The following NBEAL1 variants were observed in gnomAD, a reference collection of about 807,000 sequenced individuals.
NBEAL1 encodes the protein neurobeachin like 1.
A neutral mutation model predicts 351.3 loss-of-function variants in NBEAL1; 273 were observed. The ratio of observed to expected loss-of-function variants is 0.78; its 90% CI spans 0.70 to 0.86. The LOEUF is 0.86. NBEAL1 is among the 40% of genes least tolerant of loss of function. The probability of loss-of-function intolerance (pLI) is 0.00; values close to 1 mark genes in which losing one functional copy is unlikely to be tolerated. For synonymous variants in NBEAL1, 1,050 were observed against 1,086.4 expected (o/e 0.97, Z 0.66); for missense variants, 2,961 against 3,201.3 (o/e 0.92, Z 1.81).
chr2:203,054,022 C>G (rs918291378), intron 4 of NBEAL1, among the ~76,000 whole-genome samples: 20 of 152,070 alleles, frequency 1.3e-4, no homozygotes, highest in Non-Finnish European at 2.5e-4. Flanking sequence ...ATGATCATGG[C>G]TCACTACAGC....
chr2:203,183,307 C>G lies in NBEAL1; in HGVS notation c.6624C>G (p.Ser2208=), dbSNP rs2064787808. 1.3e-6 allele frequency: 2 copies of G among 1,589,584 alleles called. No homozygotes were observed. The highest frequency in any genetic ancestry group is 1.4e-5 in the African/African-American group (1 of 74,064). ...TTAACTTGGGTCGTCTACAGATTTC[C>G]AAAGAATTAGTAAATGATGTCATTC... ...NQFNLGRLQI[S]KELVNDVILP... Residue 2208 remains serine (S), a synonymous_variant, in exon 44 of 56, where the codon TCC becomes TCG. Transcript: ENST00000683969.
At chr2:203,130,586 T>A in intron 25 of NBEAL1, 110 bp downstream of exon 25, 1 of 686,950 alleles carries the variant, frequency 1.5e-6, no homozygotes, top group Non-Finnish European at 2.1e-6. Flanking sequence ...TCTATTTCTC[T>A]AAGATGTTCA....
chr2:203,077,352 A>G (rs944213253), intron 7 of NBEAL1, among the ~76,000 whole-genome samples: 1 of 152,152 alleles, frequency 6.6e-6, no homozygotes, highest in Non-Finnish European at 1.5e-5. Context: ...CCTGGGCGAT[A>G]TAGCGAGACT....
chr2:203,119,444 T>TTTTTTTG (rs2062779286), intron 18 of NBEAL1, among the ~76,000 whole-genome samples: 1 of 142,814 alleles, frequency 7.0e-6, no homozygotes. Flanking sequence ...TTTTTTTTTT[T>TTTTTTTG]GAGACGGAGT....
intron 3 of NBEAL1, among the ~76,000 whole-genome samples, chr2:203,046,208 A>ATATT (rs80181126): frequency 0.45 from 67,327 of 148,642 alleles, 16,788 homozygotes; most frequent in Middle Eastern, 0.66. Flanking sequence ...ACAACAGTAG[A>ATATT]TATTTATTTA....
chr2:203,081,072 T>A (rs2061863409), intron 8 of NBEAL1, among the ~76,000 whole-genome samples: 1 of 152,198 alleles, frequency 6.6e-6, no homozygotes, highest in Non-Finnish European at 1.5e-5. Flanking sequence ...CAAAAATCCT[T>A]GTGATCCAGG....
At chr2:203,041,241 T>C (rs1043417022) in intron 2 of NBEAL1, among the ~76,000 whole-genome samples, 1 of 152,162 alleles carries the variant, frequency 6.6e-6, no homozygotes, top group Non-Finnish European at 1.5e-5. Context: ...CCCACAGCAA[T>C]GGACCAAGCC....
chr2:203,180,492 A>C lies in NBEAL1; in HGVS notation c.6575A>C (p.Glu2192Ala), dbSNP rs770098142. ...ATTCCTGAATTCTTCTATTTCCCAG[A>C]GTTTTTGGAAAATCAAAATCGTAAG... is the stretch of plus-strand genomic sequence containing the variant. ...ELIPEFFYFP[E>A]FLENQNQFNL... The change falls in exon 43 of 56, where the codon GAG (glutamate) becomes GCG (alanine). Residue 2192 changes from glutamate to alanine, a missense_variant. Physicochemically the swap from Glu to Ala is moderately radical, Grantham distance 107. Coordinates refer to ENST00000683969, the MANE Select transcript of NBEAL1 (RefSeq NM_001378026.1). 6.2e-7 allele frequency: 1 copy of C among 1,610,510 alleles called. No homozygotes were observed. The highest frequency in any genetic ancestry group is 8.5e-7 in the Non-Finnish European group (1 of 1,178,826).
intron 51 of NBEAL1, among the ~76,000 whole-genome samples, chr2:203,203,282 C>G (rs2065452727): frequency 6.6e-6 from 1 of 151,186 alleles, no homozygotes; most frequent in African/African-American, 2.4e-5. Flanking sequence ...ACTGGGATTA[C>G]AGGCACGTGC....
chr2:203,198,319 G>T (rs1032216091), intron 48 of NBEAL1, among the ~76,000 whole-genome samples: 4 of 152,048 alleles, frequency 2.6e-5, no homozygotes, highest in East Asian at 3.9e-4. Flanking sequence ...TTTGTCGGGG[G>T]TTGCTTGTTA....
chr2:203,193,092 C>A (rs1359425933), intron 46 of NBEAL1, among the ~76,000 whole-genome samples: 1 of 151,158 alleles, frequency 6.6e-6, no homozygotes, highest in Non-Finnish European at 1.5e-5. Flanking sequence ...CTACCTCAGC[C>A]TCTCAAGTAG....
intron 35 of NBEAL1, among the ~76,000 whole-genome samples, chr2:203,156,210 T>C (rs937712143): frequency 3.9e-5 from 6 of 152,244 alleles, no homozygotes; most frequent in African/African-American, 1.4e-4. Context: ...TTCCTACATA[T>C]AATAGCTCTT....
intron 3 of NBEAL1, among the ~76,000 whole-genome samples, chr2:203,047,768 T>G (rs2061253689): frequency 6.9e-6 from 1 of 145,686 alleles, no homozygotes. Context: ...TTTTGAGAGA[T>G]GGTCTTTCTG....
intron 2 of NBEAL1, among the ~76,000 whole-genome samples, chr2:203,029,660 T>G (rs1340076587): frequency 6.9e-6 from 1 of 144,608 alleles, no homozygotes; most frequent in Non-Finnish European, 1.5e-5. Context: ...CCACTGTACT[T>G]CAGCCTGGGC....
intron 6 of NBEAL1, among the ~76,000 whole-genome samples, chr2:203,059,260 T>C (rs147618142): frequency 3.3e-5 from 5 of 152,290 alleles, no homozygotes; most frequent in Admixed American, 6.5e-5. Flanking sequence ...GAGATGGAGA[T>C]TGGAAAAATG....
chr2:203,160,376 C>T (rs556236519), intron 36 of NBEAL1, among the ~76,000 whole-genome samples: 2 of 152,072 alleles, frequency 1.3e-5, no homozygotes, highest in Admixed American at 6.6e-5. Context: ...CCACCACGCC[C>T]GGCCTGGTTC....
chr2:203,036,395 A>G (rs1300376571), intron 2 of NBEAL1, among the ~76,000 whole-genome samples: 1 of 149,018 alleles, frequency 6.7e-6, no homozygotes, highest in Non-Finnish European at 1.5e-5. Context: ...CTAAAGATCC[A>G]TTTTATTTAT....
chr2:203,188,513 T>G lies in NBEAL1; in HGVS notation c.6747T>G (p.Asp2249Glu). The G allele has an allele frequency of 6.2e-7, 1 of 1,607,832 alleles. No homozygotes were observed. The highest frequency in any genetic ancestry group is 8.5e-7 in the Non-Finnish European group (1 of 1,177,420). ...YVSAHLHEWIDLIFGYKQRGP... is the reference protein window; with the variant it reads ...YVSAHLHEWIELIFGYKQRGP... ...CAGCTCATCTTCATGAATGGATAGA[T>G]CTGATCTTTGGCTATAAACAGAGGG... The change falls in exon 45 of 56, where the codon GAT (aspartate) becomes GAG (glutamate). Residue 2249 changes from aspartate to glutamate, a missense_variant. Asp to Glu is a conservative substitution (Grantham distance 45). Coordinates refer to ENST00000683969, the MANE Select transcript of NBEAL1 (RefSeq NM_001378026.1).
intron 50 of NBEAL1, among the ~76,000 whole-genome samples, chr2:203,202,072 AGT>A (rs925049793): frequency 4.6e-5 from 7 of 152,144 alleles, no homozygotes; most frequent in African/African-American, 1.7e-4. Flanking sequence ...TAAACATGAG[AGT>A]GATGAAATTG....
Sources: allele counts gnomAD v4.1 joint callset (sites outside exome capture counted in the v4.1 genomes callset), GRCh38; gene constraint gnomAD v4.1.1; transcripts MANE v1.5; gene names NCBI Gene and HGNC (gene_info 2026-07-23, HGNC 2026-07-21).